The following RFX8 variants were observed in gnomAD, a reference collection of about 807,000 sequenced individuals.
RFX8 encodes regulatory factor X8.
A neutral mutation model predicts 54.6 loss-of-function variants in RFX8; 46 were observed. The ratio of observed to expected loss-of-function variants is 0.84; its 90% CI spans 0.67 to 1.08. The LOEUF is 1.08. Among genes scored for constraint, RFX8 ranks in the 50% least tolerant of loss-of-function variants. The pLI, the probability that RFX8 is intolerant of heterozygous loss-of-function variation, is 0.00. For synonymous variants in RFX8, 192 were observed against 209.5 expected (o/e 0.92, Z 0.72); for missense variants, 536 against 562.3 (o/e 0.95, Z 0.47).
At chr2:101,436,789 G>A (rs558342021) in intron 2 of RFX8, among the ~76,000 whole-genome samples, 6 of 152,302 alleles carry the variant, frequency 3.9e-5, no homozygotes, top group Admixed American at 2.0e-4. Context: ...GGGGGGCAGC[G>A]CTCTGGTCCT....
chr2:101,460,041 C>G (rs781349575), intron 2 of RFX8, among the ~76,000 whole-genome samples: 1 of 152,240 alleles, frequency 6.6e-6, no homozygotes, highest in African/African-American at 2.4e-5. Context: ...GGCATGGGAC[C>G]CACTGAGCCA....
rs976754468 is a variant in RFX8 at position 101,466,849 on chromosome 2, G to A, written c.-1C>T. 6.4e-7 allele frequency: 1 copy of A among 1,550,550 alleles called. No homozygotes were observed. The highest frequency in any genetic ancestry group is 2.0e-5 in the Admixed American group (1 of 51,000). On this transcript the variant is annotated 5_prime_UTR_variant, in exon 2 of 12. Transcript: ENST00000428343. ...AGGTCTCCACGTAAATCTCATACAT[G>A]AGACAGCGAGGGACGCTGCACTCTT...
chr2:101,427,976 G>GC (rs1436009912), intron 2 of RFX8, among the ~76,000 whole-genome samples: 10 of 151,186 alleles, frequency 6.6e-5, no homozygotes, highest in African/African-American at 1.2e-4. Context: ...TATCCCCCCC[G>GC]CCCCCCGCAG....
At chr2:101,446,843 T>G (rs879610772) in intron 2 of RFX8, among the ~76,000 whole-genome samples, 2 of 152,078 alleles carry the variant, frequency 1.3e-5, no homozygotes, top group Non-Finnish European at 2.9e-5. Context: ...ATGCAGGATC[T>G]ACACCCAGCC....
intron 1 of RFX8, among the ~76,000 whole-genome samples, chr2:101,469,243 C>T (rs1240044534): frequency 1.3e-5 from 2 of 150,320 alleles, no homozygotes; most frequent in East Asian, 2.0e-4. Context: ...CATCCTCAAA[C>T]TCCTGGGCTC....
chr2:101,414,710 G>A, intron 7 of RFX8, 144 bp downstream of exon 7: 1 of 584,406 alleles, frequency 1.7e-6, no homozygotes, highest in Non-Finnish European at 3.1e-6. Context: ...GGACTCCTCT[G>A]CCAATGGCCA....
chr2:101,443,406 T>C (rs1688205986), intron 2 of RFX8, among the ~76,000 whole-genome samples: 2 of 152,206 alleles, frequency 1.3e-5, no homozygotes, highest in African/African-American at 2.4e-5. Flanking sequence ...AATCATATAA[T>C]CAGGCATTCC....
At chr2:101,432,644 T>G (rs1179872906) in intron 2 of RFX8, among the ~76,000 whole-genome samples, 1 of 152,034 alleles carries the variant, frequency 6.6e-6, no homozygotes, top group Admixed American at 6.6e-5. Flanking sequence ...CCTGCGTCAT[T>G]TCCAGAGTGT....
intron 2 of RFX8, among the ~76,000 whole-genome samples, chr2:101,466,309 G>GAA (rs34805689): frequency 1.3e-3 from 167 of 132,388 alleles, no homozygotes; most frequent in East Asian, 2.7e-3. Flanking sequence ...TTCTATCTCG[G>GAA]AAAAAAAAAA....
chr2:101,460,425 TG>T (rs1336627093), intron 2 of RFX8, among the ~76,000 whole-genome samples: 1 of 150,500 alleles, frequency 6.6e-6, no homozygotes, highest in Admixed American at 6.8e-5. Flanking sequence ...TTGCCTAATT[TG>T]TTTTCACTTT....
chr2:101,439,847 A>G (rs761663533), intron 2 of RFX8, among the ~76,000 whole-genome samples: 21 of 152,220 alleles, frequency 1.4e-4, no homozygotes, highest in South Asian at 1.0e-3. Context: ...ACATGCTAGA[A>G]TGACAGGTGT....
At chr2:101,460,515 G>A (rs1359544550) in intron 2 of RFX8, among the ~76,000 whole-genome samples, 2 of 152,266 alleles carry the variant, frequency 1.3e-5, no homozygotes, top group East Asian at 3.9e-4. Flanking sequence ...ATGACCAATA[G>A]AAGTCTGGTC....
intron 2 of RFX8, chr2:101,429,137 A>T: frequency 3.3e-6 from 2 of 612,644 alleles, no homozygotes; most frequent in Non-Finnish European, 5.8e-6. Flanking sequence ...TTATTGAAAA[A>T]CCCTCTGCCA....
At chr2:101,474,615 G>GTC (rs1690210789) in intron 1 of RFX8, 21 bp downstream of exon 1, 1 of 228,354 alleles carries the variant, frequency 4.4e-6, no homozygotes, top group Non-Finnish European at 8.5e-6. Context: ...ACAGGGACGC[G>GTC]AACAACAAGC....
intron 2 of RFX8, among the ~76,000 whole-genome samples, chr2:101,465,865 C>A (rs994369138): frequency 6.6e-6 from 1 of 152,260 alleles, no homozygotes; most frequent in Non-Finnish European, 1.5e-5. Flanking sequence ...ACCCTTGGGG[C>A]CACCTTTAAG....
intron 2 of RFX8, among the ~76,000 whole-genome samples, chr2:101,428,772 T>C (rs1444931816): frequency 6.6e-6 from 1 of 152,214 alleles, no homozygotes; most frequent in Admixed American, 6.5e-5. Flanking sequence ...ACAGAGACTA[T>C]GTCTGTCTTG....
In RFX8 at chr2:101,402,408, G is replaced by A. The variant is rs1685483330; in HGVS notation, c.1245+28C>T. Reference sequence around the variant, plus strand: ...GGCTCTTATTCCCCTTGAAACAGCTGTGTGGAAGGGGGTCCTGGTGTCCCT... The same window carrying A: ...GGCTCTTATTCCCCTTGAAACAGCTATGTGGAAGGGGGTCCTGGTGTCCCT... On this transcript the variant is annotated intron_variant, in intron 11 of 11. Transcript: ENST00000428343. 3.3e-6 allele frequency: 5 copies of A among 1,506,974 alleles called. No homozygotes were observed. In the East Asian group the frequency reaches 1.2e-4, roughly 37 times the overall value. 93.4% of individuals were successfully genotyped at this position (1,506,974 alleles called of 1,614,324 possible).
At chr2:101,402,824 CA>C in intron 10 of RFX8, 72 bp from the exon 11 acceptor site, 2 of 1,381,412 alleles carry the variant, frequency 1.4e-6, no homozygotes, top group Non-Finnish European at 2.0e-6. Context: ...GTGAAACTAA[CA>C]ACTTTTCTGG....
intron 2 of RFX8, chr2:101,434,909 C>T (rs1256668798): frequency 6.6e-6 from 1 of 152,368 alleles, no homozygotes; most frequent in Non-Finnish European, 1.5e-5. Flanking sequence ...AGACTCAGCC[C>T]CGACTCTCAG....
Sources: gnomAD v4.1 joint callset for allele counts (sites outside exome capture counted in the v4.1 genomes callset) on GRCh38, gnomAD v4.1.1 for gene constraint, MANE v1.5 for transcripts, NCBI Gene and HGNC (gene_info 2026-07-23, HGNC 2026-07-21) for gene names.